Variants in KATNIP observed in about 807,000 individuals in gnomAD.
KATNIP encodes the protein katanin-interacting protein.
A neutral mutation model predicts 174.0 loss-of-function variants in KATNIP; 126 were observed. The ratio of observed to expected loss-of-function variants is 0.72; its 90% CI spans 0.63 to 0.84. The LOEUF (loss-of-function observed/expected upper bound fraction) is 0.84. Among genes scored for constraint, KATNIP ranks in the 40% least tolerant of loss-of-function variants. The pLI is 0.00. For missense variants in KATNIP, 1,958 were observed against 2,109.7 expected (o/e 0.93, Z 1.41); for synonymous variants, 810 against 835.7 (o/e 0.97, Z 0.53).
intron 1 of KATNIP, among the ~76,000 whole-genome samples, chr16:27,556,940 C>T (rs552688894): frequency 2.0e-5 from 3 of 152,116 alleles, no homozygotes; most frequent in Non-Finnish European, 2.9e-5. Context: ...TTTCAGAGTT[C>T]GTTCCTCCTG....
At chr16:27,774,820 C>A in intron 23 of KATNIP, 125 bp from the exon 24 acceptor site, 3 of 1,113,826 alleles carry the variant, frequency 2.7e-6, no homozygotes, top group Non-Finnish European at 3.9e-6. Context: ...GCTGTCACTG[C>A]TGCGGCTGCC....
chr16:27,590,740 A>G (rs951954956), intron 2 of KATNIP, among the ~76,000 whole-genome samples: 1 of 152,168 alleles, frequency 6.6e-6, no homozygotes, highest in Non-Finnish European at 1.5e-5. Context: ...TCCCTGGAGA[A>G]TGTGCTGCCT....
At chr16:27,742,460 A>G (rs1476525268) in intron 15 of KATNIP, among the ~76,000 whole-genome samples, 2 of 152,164 alleles carry the variant, frequency 1.3e-5, no homozygotes, top group Non-Finnish European at 2.9e-5. Flanking sequence ...CCATCCACAG[A>G]ACACTCAGGC....
rs561217574 is a variant in KATNIP, at chr16:27,704,912, T to C, written c.1389+914T>C. 4.4e-3 allele frequency among the ~76,000 whole-genome samples: 627 copies of C among 141,920 alleles called. 10 individuals carry two copies. The highest frequency in any genetic ancestry group is 0.017 in the African/African-American group (569 of 34,430). 93.1% of individuals were successfully genotyped at this position (141,920 alleles called of 152,430 possible). A position where few individuals can be genotyped will look rare whatever the true frequency, so the allele number is the denominator to read the frequency against. ...TCGTTCTTTTCTTTTTTTTCTTTTT[T>C]TTTTTTTTTTTTTTCTTAGACAGAG... On this transcript the variant is annotated intron_variant, in intron 12 of 27. Coordinates refer to ENST00000261588, the MANE Select transcript of KATNIP (RefSeq NM_015202.5).
chr16:27,593,898 G>A (rs1373477675), intron 2 of KATNIP, among the ~76,000 whole-genome samples: 2 of 152,164 alleles, frequency 1.3e-5, no homozygotes, highest in Non-Finnish European at 2.9e-5. Context: ...CCTATGGTTA[G>A]TGGTGGGGTC....
intron 11 of KATNIP, among the ~76,000 whole-genome samples, chr16:27,702,921 C>T (rs1037020344): frequency 3.3e-5 from 5 of 152,180 alleles, no homozygotes; most frequent in African/African-American, 1.2e-4. Context: ...AATCCCAGCA[C>T]TTACGGAGGC....
rs1277875299 is a variant in KATNIP, at chr16:27,749,717, C to T, written c.2757C>T (p.Leu919=). The T allele has an allele frequency of 6.2e-7, 1 of 1,613,540 alleles. No homozygotes were observed. ...SHRGRISNTE[L]PGDILDELLQ... ...GGGGACGCATCTCCAACACGGAGCT[C>T]CCGGGGGACATCCTGGATGAGCTCC... The change falls in exon 16 of 28, where the codon CTC becomes CTT. Residue 919 remains leucine, a synonymous_variant. Transcript: ENST00000261588.
intron 13 of KATNIP, among the ~76,000 whole-genome samples, chr16:27,710,520 TCA>T (rs2079528091): frequency 6.6e-6 from 1 of 152,046 alleles, no homozygotes; most frequent in Admixed American, 6.6e-5. Context: ...TCAGCTTCAT[TCA>T]CAATTATCTC....
chr16:27,662,602 G>A (rs1481271893), intron 6 of KATNIP, among the ~76,000 whole-genome samples: 1 of 152,156 alleles, frequency 6.6e-6, no homozygotes, highest in Non-Finnish European at 1.5e-5. Flanking sequence ...TGAATTACAG[G>A]TCCAGAAGTA....
intron 16 of KATNIP, among the ~76,000 whole-genome samples, chr16:27,750,595 ATTTTT>A (rs572859532): frequency 9.7e-6 from 1 of 103,534 alleles, no homozygotes; most frequent in Non-Finnish European, 2.1e-5. Context: ...AATTTTTTGT[ATTTTT>A]TTTTTTTTTT....
chr16:27,615,490 G>A (rs1051020816), intron 2 of KATNIP, among the ~76,000 whole-genome samples: 2 of 152,178 alleles, frequency 1.3e-5, no homozygotes, highest in African/African-American at 2.4e-5. Flanking sequence ...ACGTAGCTGG[G>A]ACTACAGACG....
rs567768304 is a variant in KATNIP, at chr16:27,623,212, A to G, written c.140+4711A>G. On this transcript the variant is annotated intron_variant, in intron 3 of 27. Transcript: ENST00000261588. ...GTGCTAGAGGCAAGAAACAGCAGGA[A>G]GGAGCAGGGGAGAGCACAAGCACTG... is the stretch of plus-strand genomic sequence containing the variant. Among the ~76,000 whole-genome samples the G allele has an allele frequency of 3.9e-5, 6 of 152,332 alleles. No homozygotes were observed. The South Asian group carries it at 1.0e-3, about 26-fold the overall frequency.
At chr16:27,647,334 C>A (rs981240715) in intron 5 of KATNIP, among the ~76,000 whole-genome samples, 1 of 151,496 alleles carries the variant, frequency 6.6e-6, no homozygotes, top group Non-Finnish European at 1.5e-5. Context: ...AGTCTAATCA[C>A]AAAGCCCCCC....
chr16:27,695,842 C>A (rs752425546), intron 8 of KATNIP, among the ~76,000 whole-genome samples: 7 of 152,156 alleles, frequency 4.6e-5, no homozygotes, highest in Non-Finnish European at 1.0e-4. Context: ...GACCTCCCCT[C>A]CCCGCCCCAA....
chr16:27,655,334 A>G (rs1412250101), intron 6 of KATNIP, among the ~76,000 whole-genome samples: 2 of 150,176 alleles, frequency 1.3e-5, no homozygotes, highest in African/African-American at 4.9e-5. Flanking sequence ...CCTGGGCTCT[A>G]GTGATCCTCC....
intron 8 of KATNIP, among the ~76,000 whole-genome samples, chr16:27,696,616 G>A (rs1246724080): frequency 6.6e-6 from 1 of 152,128 alleles, no homozygotes; most frequent in Non-Finnish European, 1.5e-5. Context: ...ATGTTAGTTT[G>A]CTCAGGATAA....
At chr16:27,550,591 A>G (rs2089310149) in intron 1 of KATNIP, among the ~76,000 whole-genome samples, 1 of 152,044 alleles carries the variant, frequency 6.6e-6, no homozygotes, top group African/African-American at 2.4e-5. Context: ...GGGTGAAGGG[A>G]GTTTAGGAAA....
rs2079441058 is a variant in KATNIP, at chr16:27,708,896, C to T, written c.1581C>T (p.Gly527=). The change falls in exon 13 of 28, where the codon GGC becomes GGT. Residue 527 remains glycine (G), a synonymous_variant. Transcript: ENST00000261588. ...IRNTATPGEL[G]RLVNRNLAGK... ...ACACAGCCACGCCTGGGGAGCTGGG[C>T]CGCCTCGTCAACAGGAACTTAGCTG... 2 of 1,613,092 alleles carry T rather than the reference C, an allele frequency of 1.2e-6. No individual in the cohort carries two copies. Among genetic ancestry groups the T allele is most frequent in the Non-Finnish European group, 1.7e-6 (2 of 1,179,734 alleles).
intron 2 of KATNIP, among the ~76,000 whole-genome samples, chr16:27,599,248 C>T (rs145023250): frequency 1.6e-3 from 238 of 152,314 alleles, no homozygotes; most frequent in African/African-American, 5.1e-3. Context: ...CCTCGAAGCC[C>T]TAAACTCCGA....
Sources: gnomAD v4.1 joint callset for allele counts (sites outside exome capture counted in the v4.1 genomes callset) on GRCh38, gnomAD v4.1.1 for gene constraint, MANE v1.5 for transcripts, NCBI Gene and HGNC (gene_info 2026-07-23, HGNC 2026-07-21) for gene names.